DNAH5: variants seen among roughly 807,000 people sequenced by gnomAD.
DNAH5 encodes dynein axonemal heavy chain 5.
In DNAH5, 372 loss-of-function variants were observed where a neutral mutation model predicts 518.2. The observed-to-expected ratio is 0.72, with a 90% CI of 0.66 to 0.78. The LOEUF (loss-of-function observed/expected upper bound fraction) is 0.78. Ranked by LOEUF, DNAH5 falls within the 30% of genes least tolerant of loss-of-function variation. The pLI, the probability that DNAH5 is intolerant of heterozygous loss-of-function variation, is 0.00. For missense variants in DNAH5, 5,523 were observed against 5,687.0 expected (o/e 0.97, Z 0.93); for synonymous variants, 2,039 against 2,025.9 (o/e 1.01, Z -0.17).
chr5:13,943,240 G>C (rs1229938407), intron 1 of DNAH5, among the ~76,000 whole-genome samples: 1 of 152,156 alleles, frequency 6.6e-6, no homozygotes, highest in Admixed American at 6.5e-5. Flanking sequence ...CATATATTAA[G>C]GACCAAGCAT....
chr5:13,844,799 T>C (rs1411835628), intron 32 of DNAH5, 38 bp downstream of exon 32: 1 of 1,613,824 alleles, frequency 6.2e-7, no homozygotes, highest in East Asian at 2.2e-5. Context: ...GGTTCGAAGG[T>C]ACGGTGATTG....
At chr5:13,889,268 G>A (rs914654891) in intron 17 of DNAH5, among the ~76,000 whole-genome samples, 3 of 152,202 alleles carry the variant, frequency 2.0e-5, no homozygotes, top group Non-Finnish European at 4.4e-5. Flanking sequence ...GGAGGCAAGT[G>A]ATTTTTCAGA....
intron 31 of DNAH5, 124 bp downstream of exon 31, chr5:13,850,528 G>T: frequency 2.6e-6 from 2 of 782,302 alleles, no homozygotes; most frequent in African/African-American, 1.7e-5. Flanking sequence ...TTTCATCTGT[G>T]CAACAGCTTT....
intron 35 of DNAH5, among the ~76,000 whole-genome samples, chr5:13,838,510 G>T (rs1282189071): frequency 6.6e-6 from 1 of 152,152 alleles, no homozygotes; most frequent in African/African-American, 2.4e-5. Context: ...AGCTGTGCAT[G>T]TGAGGGATCT....
chr5:13,767,115 T>A (rs560144011), intron 58 of DNAH5, among the ~76,000 whole-genome samples: 2 of 152,216 alleles, frequency 1.3e-5, no homozygotes, highest in East Asian at 3.9e-4. Context: ...TGTATATATA[T>A]ATAGTTTTGC....
chr5:13,942,523 T>G, intron 1 of DNAH5, among the ~76,000 whole-genome samples: 1 of 152,200 alleles, frequency 6.6e-6, no homozygotes, highest in Non-Finnish European at 1.5e-5. Flanking sequence ...GTACACTTCC[T>G]TGTAAAATCT....
intron 60 of DNAH5, among the ~76,000 whole-genome samples, chr5:13,759,269 T>C (rs1751456076): frequency 6.6e-6 from 1 of 152,206 alleles, no homozygotes; most frequent in South Asian, 2.1e-4. Flanking sequence ...AAAATTATTG[T>C]TCATGTACTT....
chr5:13,936,199 T>C (rs754860484), intron 1 of DNAH5, among the ~76,000 whole-genome samples: 31 of 152,154 alleles, frequency 2.0e-4, no homozygotes, highest in Non-Finnish European at 4.3e-4. Context: ...CATCTTTCAT[T>C]TAACCTCTCC....
rs147111499 is a variant in DNAH5 at position 13,767,443 on chromosome 5, C to A, written c.9898-1264G>T. On this transcript the variant is annotated intron_variant, in intron 58 of 78. Coordinates refer to ENST00000265104, the MANE Select transcript of DNAH5 (RefSeq NM_001369.3). ...CCCAGCCTGTTTTAATATATTAATACTAGCAGTTATGAAAGCCAGACAGCT... is the reference window on the plus strand; with the variant it reads ...CCCAGCCTGTTTTAATATATTAATAATAGCAGTTATGAAAGCCAGACAGCT... 3.8e-3 allele frequency among the ~76,000 whole-genome samples: 571 copies of A among 152,240 alleles called. 5 individuals are homozygous for A. The highest frequency in any genetic ancestry group is 0.013 in the African/African-American group (541 of 41,538).
chr5:13,829,264 C>T (rs1468295181), intron 38 of DNAH5, among the ~76,000 whole-genome samples: 1 of 152,156 alleles, frequency 6.6e-6, no homozygotes, highest in Admixed American at 6.5e-5. Flanking sequence ...ATCCATAAGT[C>T]TTTGGCTCTT....
intron 65 of DNAH5, among the ~76,000 whole-genome samples, chr5:13,738,101 AG>A (rs1747843984): frequency 6.8e-6 from 1 of 147,154 alleles, no homozygotes; most frequent in Admixed American, 6.7e-5. Flanking sequence ...AAAAAAAAAA[AG>A]GAGGAGGAGA....
chr5:14,002,358 T>A (rs59452195), intron 1 of DNAH5, among the ~76,000 whole-genome samples: 1,980 of 152,308 alleles, frequency 0.013, 16 homozygotes, highest in East Asian at 0.065. Flanking sequence ...CTATCTGATG[T>A]TTTTATGTTT....
intron 1 of DNAH5, among the ~76,000 whole-genome samples, chr5:13,969,074 A>C (rs777050858): frequency 3.9e-5 from 6 of 152,102 alleles, no homozygotes; most frequent in South Asian, 2.1e-4. Context: ...GAATTTATCC[A>C]TCTCCTCTAG....
At chr5:14,007,265 G>A (rs979136544) in intron 1 of DNAH5, among the ~76,000 whole-genome samples, 3 of 152,194 alleles carry the variant, frequency 2.0e-5, no homozygotes, top group African/African-American at 7.2e-5. Context: ...TGCATCACAA[G>A]CTCTTTCATT....
intron 27 of DNAH5, among the ~76,000 whole-genome samples, chr5:13,865,006 CT>C (rs70964512): frequency 0.079 from 9,880 of 124,518 alleles, 278 homozygotes; most frequent in African/African-American, 0.14. Context: ...ACAAATAGCT[CT>C]TTTTTTTTTT....
intron 51 of DNAH5, among the ~76,000 whole-genome samples, chr5:13,788,429 C>G (rs1756415833): frequency 6.6e-6 from 1 of 152,196 alleles, no homozygotes; most frequent in South Asian, 2.1e-4. Context: ...AAACTCACCT[C>G]TGTCTGCCAG....
chr5:13,882,595 A>G (rs1771822161), intron 21 of DNAH5, 133 bp downstream of exon 21: 2 of 750,038 alleles, frequency 2.7e-6, no homozygotes, highest in Admixed American at 2.3e-5. Context: ...TATTTTGTCA[A>G]CTTCAAATTG....
rs1172789153 is a variant in DNAH5 at position 13,830,730 on chromosome 5, T to A, written c.5928A>T (p.Gly1976=). 1.2e-6 allele frequency: 2 copies of A among 1,613,782 alleles called. No homozygotes were observed. Among genetic ancestry groups the A allele is most frequent in the Non-Finnish European group, 1.7e-6 (2 of 1,179,940 alleles). The change falls in exon 36 of 79, where the codon GGA becomes GGT. Residue 1976 remains glycine (G), a synonymous_variant. Coordinates refer to ENST00000265104, the MANE Select transcript of DNAH5 (RefSeq NM_001369.3). ...LAQALGMSMG[G]APAGPAGTGK... is the part of the protein sequence containing the mutation. The stretch of plus-strand genomic sequence containing the variant: ...CTGTGCCTGCAGGTCCAGCAGGGGC[T>A]CCCCCCATGCTCATTCCCAGAGCTT...
At chr5:13,834,123 G>A (rs1172545317) in intron 35 of DNAH5, among the ~76,000 whole-genome samples, 2 of 152,252 alleles carry the variant, frequency 1.3e-5, no homozygotes, top group African/African-American at 2.4e-5. Flanking sequence ...AATCAAGTTG[G>A]TTAAAGAAAA....
Sources: allele counts gnomAD v4.1 joint callset (sites outside exome capture counted in the v4.1 genomes callset), GRCh38; gene constraint gnomAD v4.1.1; transcripts MANE v1.5; gene names NCBI Gene and HGNC (gene_info 2026-07-23, HGNC 2026-07-21).